Variants in PROKR1 observed in about 807,000 individuals in gnomAD.
The protein encoded by PROKR1 is prokineticin receptor 1.
A neutral mutation model predicts 22.8 loss-of-function variants in PROKR1; 21 were observed. The observed-to-expected ratio is 0.92, with a 90% CI of 0.65 to 1.32. PROKR1 has a LOEUF of 1.32. PROKR1 is among the 40% of genes most tolerant of loss of function. The pLI is 0.00. For missense variants in PROKR1, 548 were observed against 514.2 expected (o/e 1.07, Z -0.64); for synonymous variants, 193 against 207.5 (o/e 0.93, Z 0.60).
Position 68,655,262 on chromosome 2 carries a change from C to T in PROKR1, c.868C>T (p.Leu290Phe), listed in dbSNP as rs867313843. Residue 290 changes from leucine to phenylalanine, a missense_variant, in exon 3 of 3, where the codon CTC (leucine) becomes TTC (phenylalanine). By Grantham distance (22) the Leu-to-Phe change is conservative. Transcript: ENST00000303786. The part of the protein sequence containing the change: ...RKTVLVLMCI[L>F]TAYVLCWAPF... Reference sequence around the variant, plus strand: ...GACGGTCCTGGTGCTCATGTGCATCCTCACCGCCTACGTGCTATGCTGGGC... The same window carrying T: ...GACGGTCCTGGTGCTCATGTGCATCTTCACCGCCTACGTGCTATGCTGGGC... 5 of 1,614,244 alleles carry T rather than the reference C, an allele frequency of 3.1e-6. No homozygotes were observed. In the South Asian group the frequency reaches 4.4e-5, roughly 14 times the overall value.
Position 68,645,729 on chromosome 2 carries a change from G to A in PROKR1, c.-93G>A. 5 of 1,561,040 alleles carry A rather than the reference G, an allele frequency of 3.2e-6. No homozygotes were observed. The highest frequency in any genetic ancestry group is 1.7e-5 in the Admixed American group (1 of 59,920). ...AGAGACATTCTGACTCATTAAGGGA[G>A]AGCTGGCTGATAGCAGAGAGGGGTG... is the stretch of plus-strand genomic sequence containing the variant. On this transcript the variant is annotated 5_prime_UTR_variant, in exon 2 of 3. Transcript: ENST00000303786.
In PROKR1 at chr2:68,655,082, A is replaced by G; in HGVS notation, c.688A>G (p.Lys230Glu). The G allele has an allele frequency of 6.2e-7, 1 of 1,613,844 alleles. No homozygotes were observed. Among genetic ancestry groups the G allele is most frequent in the Non-Finnish European group, 8.5e-7 (1 of 1,179,986 alleles). The change falls in exon 3 of 3, where the codon AAG becomes GAG. Residue 230 changes from lysine (K) to glutamate (E), a missense_variant. Physicochemically the swap from Lys to Glu is moderately conservative, Grantham distance 56. Transcript: ENST00000303786. ...IWPVDQQLYY[K>E]SYFLFIFGIE... The stretch of plus-strand genomic sequence containing the variant: ...GCCTGTGGACCAGCAGCTCTACTAC[A>G]AGTCCTACTTCCTCTTTATCTTTGG...
At chr2:68,649,031 T>G (rs183723781) in intron 2 of PROKR1, among the ~76,000 whole-genome samples, 2 of 152,330 alleles carry the variant, frequency 1.3e-5, no homozygotes. Context: ...AATTCTTAAA[T>G]TAACCCTTAT....
In PROKR1 at chr2:68,646,008, A is replaced by G; in HGVS notation, c.187A>G (p.Ile63Val). 3 of 1,614,212 alleles carry G rather than the reference A, an allele frequency of 1.9e-6. No individual in the cohort carries two copies. The highest frequency in any genetic ancestry group is 2.5e-6 in the Non-Finnish European group (3 of 1,180,044). The change falls in exon 2 of 3, where the codon ATT becomes GTT. Residue 63 changes from isoleucine (I) to valine (V), a missense_variant. By Grantham distance (29) the Ile-to-Val change is conservative (BLOSUM62 3). Coordinates refer to ENST00000303786, the MANE Select transcript of PROKR1 (RefSeq NM_138964.4). Reference protein sequence around the residue: ...TNSRTFFAAKIVIGMALVGIM... With the variant: ...TNSRTFFAAKVVIGMALVGIM... The stretch of plus-strand genomic sequence containing the variant: ...TTCCAGGACGTTCTTTGCTGCCAAG[A>G]TTGTCATTGGGATGGCCCTGGTGGG...
chr2:68,648,913 AG>A (rs1673246875), intron 2 of PROKR1, among the ~76,000 whole-genome samples: 1 of 152,236 alleles, frequency 6.6e-6, no homozygotes, highest in South Asian at 2.1e-4. Context: ...GAGGATAAAA[AG>A]AAAGCCTATT....
intron 2 of PROKR1, among the ~76,000 whole-genome samples, chr2:68,646,643 C>T (rs1673186206): frequency 6.6e-6 from 1 of 152,170 alleles, no homozygotes; most frequent in South Asian, 2.1e-4. Flanking sequence ...AAGCGTCAGG[C>T]AGTTACCTCT....
intron 2 of PROKR1, among the ~76,000 whole-genome samples, chr2:68,651,564 A>C (rs1673330980): frequency 6.6e-6 from 1 of 152,142 alleles, no homozygotes; most frequent in African/African-American, 2.4e-5. Context: ...GTCTTGATGA[A>C]GCTAAGGCCT....
At chr2:68,652,984 T>C (rs1443003315) in intron 2 of PROKR1, among the ~76,000 whole-genome samples, 1 of 152,232 alleles carries the variant, frequency 6.6e-6, no homozygotes, top group Non-Finnish European at 1.5e-5. Context: ...AAAATTCTTA[T>C]AGTGAATAAA....
At position 68,645,796 on chromosome 2, in the gene PROKR1, T is replaced by C. The variant is rs757939011; in HGVS notation, c.-26T>C. 1 of 1,614,036 alleles carries C rather than the reference T, an allele frequency of 6.2e-7. No individual in the cohort carries two copies. The highest frequency in any genetic ancestry group is 1.1e-5 in the South Asian group (1 of 91,086). The stretch of plus-strand genomic sequence containing the variant: ...CATTGCCCTGGGGAATTCTGAGCAG[T>C]GTTGCTCACAGCACCACCTGGCCAG... On this transcript the variant is annotated 5_prime_UTR_variant, in exon 2 of 3. Coordinates refer to ENST00000303786, the MANE Select transcript of PROKR1 (RefSeq NM_138964.4).
At chr2:68,648,347 C>T (rs1673235987) in intron 2 of PROKR1, among the ~76,000 whole-genome samples, 2 of 152,280 alleles carry the variant, frequency 1.3e-5, no homozygotes, top group Non-Finnish European at 1.5e-5. Flanking sequence ...CCTTTCATAC[C>T]AAACAGAGCT....
At position 68,646,119 on chromosome 2, in the gene PROKR1, C is replaced by T. The variant is rs772023504; in HGVS notation, c.298C>T (p.Leu100Phe). Residue 100 changes from leucine (L) to phenylalanine (F), a missense_variant, in exon 2 of 3, where the codon CTC (leucine) becomes TTC (phenylalanine). Transcript: ENST00000303786. ...GAAACTGCGCAACCTCACCAACCTG[C>T]TCATCGCCAACCTGGCCATCTCTGA... ...YKKLRNLTNL[L>F]IANLAISDFL... The T allele has an allele frequency of 1.8e-5, 29 of 1,612,080 alleles. No individual in the cohort carries two copies. The highest frequency in any genetic ancestry group is 2.2e-5 in the Non-Finnish European group (26 of 1,178,582).
rs1033940253 is a variant in PROKR1 at position 68,653,148 on chromosome 2, G to A, written c.486-1732G>A. Among the ~76,000 whole-genome samples, 7 of 152,324 alleles carry A rather than the reference G, an allele frequency of 4.6e-5. No homozygotes were observed. In the South Asian group the frequency reaches 8.3e-4, roughly 18 times the overall value. The stretch of plus-strand genomic sequence containing the variant: ...GCTCTGGTTACATCAGGAGCACCGC[G>A]ATCTTAATGAAGGGCCCACACTCGT... On this transcript the variant is annotated intron_variant, in intron 2 of 2. Coordinates refer to ENST00000303786, the MANE Select transcript of PROKR1 (RefSeq NM_138964.4).
chr2:68,655,232 A>G lies in PROKR1; in HGVS notation c.838A>G (p.Arg280Gly), dbSNP rs1176236908. The change falls in exon 3 of 3, where the codon AGG becomes GGG. Residue 280 changes from arginine (R) to glycine (G), a missense_variant. Arg to Gly is a moderately radical substitution (Grantham distance 125, BLOSUM62 -2). Coordinates refer to ENST00000303786, the MANE Select transcript of PROKR1 (RefSeq NM_138964.4). ...GATCCGCAAGAGGCTGCGCTGCCGCAGGAAGACGGTCCTGGTGCTCATGTG... is the reference window on the plus strand; with the variant it reads ...GATCCGCAAGAGGCTGCGCTGCCGCGGGAAGACGGTCCTGGTGCTCATGTG... ...EQIRKRLRCR[R>G]KTVLVLMCIL... 8.7e-6 allele frequency: 14 copies of G among 1,614,144 alleles called. No homozygotes were observed. Among genetic ancestry groups the G allele is most frequent in the Non-Finnish European group, 1.2e-5 (14 of 1,180,056 alleles).
Position 68,658,152 on chromosome 2 carries a change from T to C in PROKR1, c.*2576T>C, listed in dbSNP as rs1345807384. ...TGTATCAATTTTTCACTCAACTATC[T>C]GTGTTACTTCCAAATATTAGTGTCT... On this transcript the variant is annotated 3_prime_UTR_variant, in exon 3 of 3. Coordinates refer to ENST00000303786, the MANE Select transcript of PROKR1 (RefSeq NM_138964.4). The C allele has an allele frequency of 1.3e-5, 2 of 152,236 alleles. No individual in the cohort carries two copies. The highest frequency in any genetic ancestry group is 4.8e-5 in the African/African-American group (2 of 41,456). 9.4% of individuals were successfully genotyped at this position (152,236 alleles called of 1,614,324 possible).
Position 68,646,065 on chromosome 2 carries a change from A to T in PROKR1, c.244A>T (p.Ile82Phe). 1 of 1,614,216 alleles carries T rather than the reference A, an allele frequency of 6.2e-7. No homozygotes were observed. The highest frequency in any genetic ancestry group is 8.5e-7 in the Non-Finnish European group (1 of 1,180,032). ...IMLVCGIGNFIFIAALVRYKK... is the reference protein window; with the variant it reads ...IMLVCGIGNFFFIAALVRYKK... ...GCTGGTCTGCGGCATTGGAAACTTC[A>T]TCTTTATCGCTGCCCTGGTCCGCTA... is the stretch of plus-strand genomic sequence containing the variant. The change falls in exon 2 of 3, where the codon ATC (isoleucine) becomes TTC (phenylalanine). Residue 82 changes from isoleucine to phenylalanine, a missense_variant. Transcript: ENST00000303786.
intron 1 of PROKR1, 114 bp downstream of exon 1, chr2:68,643,962 C>A (rs966618905): frequency 5.3e-5 from 8 of 152,312 alleles, no homozygotes; most frequent in Admixed American, 4.6e-4. Context: ...GGGATTCACT[C>A]CTGTGAGTTT....
chr2:68,655,953 TG>T lies in PROKR1; in HGVS notation c.*378del. On this transcript the variant is annotated 3_prime_UTR_variant, in exon 3 of 3. Coordinates refer to ENST00000303786, the MANE Select transcript of PROKR1 (RefSeq NM_138964.4). ...AGGATTGCAGTACATGTGTTCGTAG[TG>T]TGAGAGTATCTCTGGGACTATTCTT... The T allele has an allele frequency of 3.0e-6, 1 of 332,924 alleles. No homozygotes were observed. The highest frequency in any genetic ancestry group is 5.8e-6 in the Non-Finnish European group (1 of 173,596). 20.6% of individuals were successfully genotyped at this position (332,924 alleles called of 1,614,324 possible).
intron 2 of PROKR1, among the ~76,000 whole-genome samples, chr2:68,651,069 G>A (rs1553384064): frequency 6.6e-6 from 1 of 152,146 alleles, no homozygotes; most frequent in Non-Finnish European, 1.5e-5. Flanking sequence ...CTGAGGGCAG[G>A]AGGAAAATGA....
chr2:68,644,863 G>A (rs1673140345), intron 1 of PROKR1, among the ~76,000 whole-genome samples: 1 of 152,116 alleles, frequency 6.6e-6, no homozygotes, highest in South Asian at 2.1e-4. Flanking sequence ...GCCCCATTAT[G>A]TGGTGTGGTG....
Sources: allele counts gnomAD v4.1 joint callset (sites outside exome capture counted in the v4.1 genomes callset), GRCh38; gene constraint gnomAD v4.1.1; transcripts MANE v1.5; gene names NCBI Gene and HGNC (gene_info 2026-07-23, HGNC 2026-07-21).